The following AGAP1 variants were observed in gnomAD, a reference collection of about 807,000 sequenced individuals.
The protein encoded by AGAP1 is ArfGAP with GTPase domain, ankyrin repeat and PH domain 1, also known as arf-GAP with GTPase, ANK repeat and PH domain-containing protein 1.
A neutral mutation model predicts 105.3 loss-of-function variants in AGAP1; 29 were observed. That is an observed-to-expected ratio of 0.28 (90% confidence interval 0.21 to 0.38). The LOEUF (loss-of-function observed/expected upper bound fraction) is 0.38, where lower values mean the gene tolerates loss of function less well. Ranked by LOEUF, AGAP1 falls within the 10% of genes least tolerant of loss-of-function variation. The probability of loss-of-function intolerance (pLI) is 1.00; values close to 1 mark genes in which losing one functional copy is unlikely to be tolerated. For synonymous variants in AGAP1, 509 were observed against 485.9 expected, an observed-to-expected ratio of 1.05 and a Z score of -0.63; for missense variants, 998 against 1,165.1, an observed-to-expected ratio of 0.86 and a Z score of 2.09.
intron 3 of AGAP1, among the ~76,000 whole-genome samples, chr2:235,727,268 A>G (rs1360069523): frequency 2.6e-5 from 4 of 152,036 alleles, no homozygotes; most frequent in African/African-American, 4.8e-5. Context: ...GACTCCAGAA[A>G]AGGCCGGGAG....
At chr2:236,018,141 A>G (rs938538919) in intron 13 of AGAP1, among the ~76,000 whole-genome samples, 37 of 152,374 alleles carry the variant, frequency 2.4e-4, no homozygotes, top group African/African-American at 7.9e-4. Flanking sequence ...GTTGCTTTTT[A>G]ACAATTAACT....
At position 235,652,157 on chromosome 2, in the gene AGAP1, C is replaced by A. The variant is rs1354765544; in HGVS notation, c.164-57022C>A. Among the ~76,000 whole-genome samples the A allele has an allele frequency of 3.3e-5, 5 of 152,168 alleles. No individual in the cohort carries two copies. The East Asian group carries it at 9.6e-4, about 29-fold the overall frequency. Reference sequence around the variant, plus strand: ...TGATCAGCTTTCCAGGTGGCAGAGGCAGCTTTTATAGTGACTTCCCTGACT... The same window carrying A: ...TGATCAGCTTTCCAGGTGGCAGAGGAAGCTTTTATAGTGACTTCCCTGACT... On this transcript the variant is annotated intron_variant, in intron 1 of 17. Transcript: ENST00000304032.
chr2:235,892,532 G>C (rs1292433974), intron 10 of AGAP1, among the ~76,000 whole-genome samples: 1 of 149,836 alleles, frequency 6.7e-6, no homozygotes, highest in Non-Finnish European at 1.5e-5. Flanking sequence ...ACAACAAAAA[G>C]ATCTGTGATG....
intron 16 of AGAP1, among the ~76,000 whole-genome samples, chr2:236,103,056 C>T (rs1205193419): frequency 7.1e-6 from 1 of 141,020 alleles, no homozygotes; most frequent in East Asian, 2.4e-4. Flanking sequence ...CTCCAGGGCC[C>T]GACCCATTAA....
chr2:235,550,713 G>A lies in AGAP1; in HGVS notation c.163+55864G>A, dbSNP rs538444473. On this transcript the variant is annotated intron_variant, in intron 1 of 17. Transcript: ENST00000304032. The surrounding 1 kb of genome is among the most constrained non-coding windows in gnomAD (Gnocchi z 4.6). ...CATGATGCGGAATGTAGTGACGATC[G>A]CAAATCCTTCCTGTGGCCAAAGAGT... is the stretch of plus-strand genomic sequence containing the variant. 1.7e-3 allele frequency among the ~76,000 whole-genome samples: 255 copies of A among 152,322 alleles called. 2 individuals are homozygous for A. The highest frequency in any genetic ancestry group is 5.7e-3 in the African/African-American group (236 of 41,574).
At chr2:235,968,707 C>CAGCCTCCCAAAGTGCTGGGA in intron 13 of AGAP1, 84 bp downstream of exon 13, 1 of 1,402,104 alleles carries the variant, frequency 7.1e-7, no homozygotes, top group Non-Finnish European at 9.8e-7. Context: ...ATTAGACACC[C>CAGCCTCCCAAAGTGCTGGGA]TTAGCACAAC....
At chr2:235,902,299 C>T (rs1230361602) in intron 10 of AGAP1, among the ~76,000 whole-genome samples, 3 of 152,170 alleles carry the variant, frequency 2.0e-5, no homozygotes, top group Non-Finnish European at 4.4e-5. Context: ...CAAAACTCAA[C>T]ATGTGATAGT....
At chr2:235,573,474 T>A (rs2149170934) in intron 1 of AGAP1, among the ~76,000 whole-genome samples, 1 of 152,332 alleles carries the variant, frequency 6.6e-6, no homozygotes, top group South Asian at 2.1e-4. Context: ...ACATTCAACT[T>A]AATTTTCATA....
intron 3 of AGAP1, among the ~76,000 whole-genome samples, chr2:235,718,031 A>G (rs751557072): frequency 9.2e-5 from 14 of 152,222 alleles, no homozygotes; most frequent in Non-Finnish European, 1.8e-4. Flanking sequence ...AGTCATAGAT[A>G]AGAGCCTTCC....
At position 235,731,867 on chromosome 2, in the gene AGAP1, T is replaced by G. The variant is rs373185108; in HGVS notation, c.311-9096T>G. Among the ~76,000 whole-genome samples, 7 of 152,192 alleles carry G rather than the reference T, an allele frequency of 4.6e-5. No homozygotes were observed. In the South Asian group the frequency reaches 1.5e-3, roughly 32 times the overall value. Reference sequence around the variant, plus strand: ...GCTCTAAGGAACAAAAAGGAAGATTTGAGCTGGGTGGAGGCTCCTTATCTC... The same window carrying G: ...GCTCTAAGGAACAAAAAGGAAGATTGGAGCTGGGTGGAGGCTCCTTATCTC... On this transcript the variant is annotated intron_variant, in intron 3 of 17. Transcript: ENST00000304032.
intron 9 of AGAP1, among the ~76,000 whole-genome samples, chr2:235,846,980 A>C (rs1961571026): frequency 6.6e-6 from 1 of 152,102 alleles, no homozygotes; most frequent in Non-Finnish European, 1.5e-5. Context: ...CCCCATCCTA[A>C]GAGGTTAAGA....
In AGAP1 at chr2:235,639,620, T is replaced by A. The variant is rs1192696989; in HGVS notation, c.164-69559T>A. ...CCTTTATTGGTCAAGCTGCCTGCTG[T>A]GTTTCTGGTGCCCAAATGTTCTGGG... On this transcript the variant is annotated intron_variant, in intron 1 of 17. Transcript: ENST00000304032. This position sits in a 1 kb window ranked among gnomAD's most constrained non-coding sequence, Gnocchi z 5.3. Among the ~76,000 whole-genome samples the A allele has an allele frequency of 6.6e-6, 1 of 152,074 alleles. No homozygotes were observed.
intron 1 of AGAP1, among the ~76,000 whole-genome samples, chr2:235,686,741 A>G (rs1334441902): frequency 1.3e-5 from 2 of 148,406 alleles, no homozygotes; most frequent in Non-Finnish European, 3.0e-5. Context: ...GGTTCACAAC[A>G]GCCATGGGCT....
rs1211234836 is a variant in AGAP1, at chr2:235,720,246, G to T, written c.310+2602G>T. Among the ~76,000 whole-genome samples the T allele has an allele frequency of 6.6e-6, 1 of 152,190 alleles. No homozygotes were observed. The highest frequency in any genetic ancestry group is 1.5e-5 in the Non-Finnish European group (1 of 68,046). ...GGAAAGTGATTTCAATTTTTGTCCAGTGAGTTAGTGTTGATCAATTACCCA... is the reference window on the plus strand; with the variant it reads ...GGAAAGTGATTTCAATTTTTGTCCATTGAGTTAGTGTTGATCAATTACCCA... On this transcript the variant is annotated intron_variant, in intron 3 of 17. Coordinates refer to ENST00000304032, the MANE Select transcript of AGAP1 (RefSeq NM_001037131.3). This position sits in a 1 kb window ranked among gnomAD's most constrained non-coding sequence, Gnocchi z 5.0.
chr2:235,511,355 A>G (rs1942100123), intron 1 of AGAP1, among the ~76,000 whole-genome samples: 1 of 151,800 alleles, frequency 6.6e-6, no homozygotes, highest in South Asian at 2.1e-4. Context: ...GTGAGCAAGG[A>G]CACCTGGTTC....
Position 235,867,574 on chromosome 2 carries a change from T to TGTGC in AGAP1, c.1051-15770_1051-15769insTGCG, listed in dbSNP as rs1380487646. The stretch of plus-strand genomic sequence containing the variant: ...GTGTGTGTGTGTGTGTGTGTGTGTG[T>TGTGC]GCAAGTGAGGGAGGGTGACCCCCAC... On this transcript the variant is annotated intron_variant, in intron 9 of 17. Coordinates refer to ENST00000304032, the MANE Select transcript of AGAP1 (RefSeq NM_001037131.3). The surrounding 1 kb of genome is among the most constrained non-coding windows in gnomAD (Gnocchi z 5.4). Among the ~76,000 whole-genome samples the TGTGC allele has an allele frequency of 3.4e-5, 5 of 147,582 alleles. No homozygotes were observed. The highest frequency in any genetic ancestry group is 2.0e-4 in the East Asian group (1 of 4,936).
chr2:235,684,798 T>G (rs1949291087), intron 1 of AGAP1, among the ~76,000 whole-genome samples: 1 of 152,196 alleles, frequency 6.6e-6, no homozygotes, highest in African/African-American at 2.4e-5. Context: ...CTCGTCAATC[T>G]TAGAGGCACT....
chr2:235,833,491 AC>A (rs1229533224), intron 9 of AGAP1, among the ~76,000 whole-genome samples: 7 of 150,678 alleles, frequency 4.6e-5, no homozygotes, highest in Admixed American at 4.6e-4. Context: ...TAAACCACCC[AC>A]CCCCACTCTC....
At chr2:235,795,519 T>G (rs1416511113) in intron 6 of AGAP1, among the ~76,000 whole-genome samples, 1 of 152,312 alleles carries the variant, frequency 6.6e-6, no homozygotes, top group Non-Finnish European at 1.5e-5. Flanking sequence ...AGTTTTCCCT[T>G]ATTCGTATGG....
Sources: allele counts gnomAD v4.1 joint callset (sites outside exome capture counted in the v4.1 genomes callset), GRCh38; gene constraint gnomAD v4.1.1; non-coding constraint Gnocchi (gnomAD v3.1); transcripts MANE v1.5; gene names NCBI Gene and HGNC (gene_info 2026-07-23, HGNC 2026-07-21).